Variants in CCM2 observed in about 807,000 individuals in gnomAD.
The protein encoded by CCM2 is cerebral cavernous malformations 2 protein.
A neutral mutation model predicts 44.9 loss-of-function variants in CCM2; 25 were observed. The ratio of observed to expected loss-of-function variants is 0.56; its 90% confidence interval spans 0.41 to 0.78. The LOEUF is 0.78. CCM2 is among the 30% of genes least tolerant of loss of function. The probability of loss-of-function intolerance (pLI) is 0.00; values close to 1 mark genes in which losing one functional copy is unlikely to be tolerated. For missense variants in CCM2, 481 were observed against 580.6 expected, an observed-to-expected ratio of 0.83 and a Z score of 1.76; for synonymous variants, 219 against 241.1, an observed-to-expected ratio of 0.91 and a Z score of 0.85.
intron 1 of CCM2, among the ~76,000 whole-genome samples, chr7:45,038,036 T>C (rs1797308117): frequency 6.6e-6 from 1 of 152,066 alleles, no homozygotes; most frequent in Non-Finnish European, 1.5e-5. Flanking sequence ...TGCCAGAGGC[T>C]GCATGGCAGC....
chr7:45,041,855 A>G (rs1006367408), intron 2 of CCM2, among the ~76,000 whole-genome samples: 2 of 152,272 alleles, frequency 1.3e-5, no homozygotes, highest in East Asian at 3.9e-4. Flanking sequence ...ATTCCTTCCA[A>G]CCAGGGAAGA....
At chr7:45,013,186 T>C (rs1024295400) in intron 1 of CCM2, among the ~76,000 whole-genome samples, 1 of 152,190 alleles carries the variant, frequency 6.6e-6, no homozygotes, top group Non-Finnish European at 1.5e-5. Context: ...TCCATTAATA[T>C]CATTTCTTTC....
Position 45,068,059 on chromosome 7 carries a change from G to A in CCM2, c.473-384G>A, listed in dbSNP as rs539668011. On this transcript the variant is annotated intron_variant, in intron 4 of 9. Transcript: ENST00000258781. ...GCCATGTGGACAGTGCAACTCACAC[G>A]CCCTCAGGCCAGGCCTTTCACTTTC... The A allele has an allele frequency of 4.7e-4, 163 of 349,778 alleles. 2 individuals carry two copies. Among genetic ancestry groups the A allele is most frequent in the South Asian group, 3.7e-3 (155 of 42,096 alleles). The allele number at this position is 349,778 out of a possible 1,614,324, so 21.7% of individuals were successfully genotyped here. A position where few individuals can be genotyped will look rare whatever the true frequency, so the allele number is the denominator to read the frequency against.
intron 1 of CCM2, among the ~76,000 whole-genome samples, chr7:45,001,858 G>A (rs943595133): frequency 5.3e-5 from 8 of 152,178 alleles, no homozygotes; most frequent in Admixed American, 2.0e-4. Context: ...AAAAAATTTA[G>A]GCATAAACAG....
chr7:45,070,566 C>A (rs766561532), intron 6 of CCM2: 3 of 394,470 alleles, frequency 7.6e-6, no homozygotes, highest in South Asian at 3.5e-5. Flanking sequence ...TCAGCAAGCT[C>A]ACTTGAGTTA....
intron 2 of CCM2, among the ~76,000 whole-genome samples, chr7:45,058,337 A>G (rs1341043397): frequency 6.6e-6 from 1 of 151,806 alleles, no homozygotes; most frequent in African/African-American, 2.4e-5. Context: ...TTTTTTTAAT[A>G]CTTTAAGTTT....
intron 1 of CCM2, among the ~76,000 whole-genome samples, chr7:45,010,534 A>C (rs1004418736): frequency 6.6e-6 from 1 of 152,010 alleles, no homozygotes; most frequent in Non-Finnish European, 1.5e-5. Context: ...ATTTTGTTGT[A>C]TGTTTATGCT....
At chr7:45,036,748 C>T (rs1038951532) in intron 1 of CCM2, among the ~76,000 whole-genome samples, 13 of 152,088 alleles carry the variant, frequency 8.5e-5, no homozygotes, top group Admixed American at 7.2e-4. Flanking sequence ...GGTGAATTTC[C>T]CATATGCTGG....
chr7:45,014,888 C>T (rs2128715922), intron 1 of CCM2, among the ~76,000 whole-genome samples: 1 of 152,310 alleles, frequency 6.6e-6, no homozygotes, highest in Non-Finnish European at 1.5e-5. Context: ...TCCCAAAGTG[C>T]TGGAATTTCA....
chr7:45,016,464 G>T (rs905163704), intron 1 of CCM2, among the ~76,000 whole-genome samples: 5 of 151,100 alleles, frequency 3.3e-5, no homozygotes, highest in African/African-American at 1.2e-4. Context: ...TGAGTAGCTG[G>T]GATTACTGGC....
chr7:45,073,908 G>T, intron 8 of CCM2: 1 of 517,764 alleles, frequency 1.9e-6, no homozygotes. Flanking sequence ...TTCTGTCATT[G>T]CAAACTCAAG....
At chr7:45,013,526 C>T (rs1401087792) in intron 1 of CCM2, among the ~76,000 whole-genome samples, 1 of 152,070 alleles carries the variant, frequency 6.6e-6, no homozygotes, top group African/African-American at 2.4e-5. Context: ...TTCAACTGTA[C>T]CTTCCTTGGT....
At chr7:45,023,723 CT>C (rs368536421) in intron 1 of CCM2, among the ~76,000 whole-genome samples, 23,130 of 77,740 alleles carry the variant, frequency 0.3, 2,115 homozygotes, top group Admixed American at 0.33. Context: ...ACTGGGAAAT[CT>C]TTTTTTTTTT....
intron 4 of CCM2, among the ~76,000 whole-genome samples, chr7:45,066,796 C>T (rs1046855162): frequency 3.3e-5 from 5 of 151,986 alleles, no homozygotes; most frequent in Non-Finnish European, 5.9e-5. Flanking sequence ...TTGAGAACTA[C>T]CACAGGCACA....
chr7:45,047,849 C>A lies in CCM2; in HGVS notation c.204+9423C>A, dbSNP rs139645606. On this transcript the variant is annotated intron_variant, in intron 2 of 9. Transcript: ENST00000258781. ...GCTGGGGGCAATAGGGTAAAGGGAG[C>A]GATGGATCTCCCTGTATCATTTCTT... 3.6e-4 allele frequency among the ~76,000 whole-genome samples: 54 copies of A among 152,090 alleles called. No individual in the cohort carries two copies. The Middle Eastern group carries it at 0.01, about 29-fold the overall frequency.
At chr7:45,026,459 T>C (rs181959452) in intron 1 of CCM2, among the ~76,000 whole-genome samples, 1 of 152,314 alleles carries the variant, frequency 6.6e-6, no homozygotes, top group Non-Finnish European at 1.5e-5. Context: ...TGAAATAGAA[T>C]TGTATGAAAG....
chr7:45,074,520 G>C, intron 9 of CCM2, 112 bp downstream of exon 9: 1 of 849,100 alleles, frequency 1.2e-6, no homozygotes, highest in Admixed American at 2.0e-5. Context: ...GGCTCCATCA[G>C]GGATGGGAGA....
intron 6 of CCM2, chr7:45,072,203 G>A (rs1311295727): frequency 3.0e-6 from 1 of 334,392 alleles, no homozygotes; most frequent in East Asian, 8.0e-5. Context: ...GCTGCTCAGT[G>A]CCAGACCCTT....
chr7:45,058,034 A>G (rs922344092), intron 2 of CCM2, among the ~76,000 whole-genome samples: 1 of 152,228 alleles, frequency 6.6e-6, no homozygotes, highest in African/African-American at 2.4e-5. Context: ...GCTACATTGC[A>G]TAGCAAGCAG....
Sources: allele counts gnomAD v4.1 joint callset (sites outside exome capture counted in the v4.1 genomes callset), GRCh38; gene constraint gnomAD v4.1.1; transcripts MANE v1.5; gene names NCBI Gene and HGNC (gene_info 2026-07-23, HGNC 2026-07-21).